UBE2E2: variants seen among roughly 807,000 people sequenced by gnomAD.
UBE2E2 encodes ubiquitin-conjugating enzyme E2 E2.
Under a neutral mutation model 24.7 loss-of-function variants are expected in UBE2E2, and 6 were observed. The ratio of observed to expected loss-of-function variants is 0.24; its 90% CI spans 0.13 to 0.48. UBE2E2 has a LOEUF of 0.48. Among genes scored for constraint, UBE2E2 ranks in the 20% least tolerant of loss-of-function variants. The pLI is 0.99. For missense variants in UBE2E2, 169 were observed against 245.0 expected (o/e 0.69, Z 2.07); for synonymous variants, 104 against 83.6 (o/e 1.24, Z -1.33).
Position 23,488,072 on chromosome 3 carries a change from A to G in UBE2E2, c.228-11536A>G, listed in dbSNP as rs377246638. The stretch of plus-strand genomic sequence containing the variant: ...AGACAACTGTATGAAGAAATTGTTT[A>G]TTATTTTCATAGCCAAGAAACAAAA... On this transcript the variant is annotated intron_variant, in intron 3 of 5. Coordinates refer to ENST00000396703, the MANE Select transcript of UBE2E2 (RefSeq NM_152653.4). 3.9e-4 allele frequency among the ~76,000 whole-genome samples: 60 copies of G among 152,226 alleles called. 1 individual carries two copies. The highest frequency in any genetic ancestry group is 1.1e-3 in the African/African-American group (45 of 41,554).
chr3:23,311,759 A>G (rs1470637724), intron 3 of UBE2E2, among the ~76,000 whole-genome samples: 1 of 152,218 alleles, frequency 6.6e-6, no homozygotes, highest in Non-Finnish European at 1.5e-5. Flanking sequence ...AATCGTGGGT[A>G]CATAGTAGGT....
chr3:23,435,138 C>T (rs2125403773), intron 3 of UBE2E2, among the ~76,000 whole-genome samples: 1 of 152,292 alleles, frequency 6.6e-6, no homozygotes. Flanking sequence ...TATGTCCCCA[C>T]CTATTGTTTC....
intron 3 of UBE2E2, among the ~76,000 whole-genome samples, chr3:23,421,594 G>C (rs910430106): frequency 1.3e-5 from 2 of 152,194 alleles, no homozygotes; most frequent in African/African-American, 4.8e-5. Context: ...TTTTAGTAGA[G>C]ATGGGGTTTC....
chr3:23,402,843 C>T (rs547665470), intron 3 of UBE2E2, among the ~76,000 whole-genome samples: 1 of 152,300 alleles, frequency 6.6e-6, no homozygotes, highest in South Asian at 2.1e-4. Context: ...TAGGAAAAGT[C>T]TATGGCTTTG....
intron 3 of UBE2E2, chr3:23,323,390 A>T: frequency 4.0e-6 from 1 of 251,908 alleles, no homozygotes; most frequent in Middle Eastern, 4.3e-4. Context: ...TTTATTCTAG[A>T]CGATTTAAGA....
intron 3 of UBE2E2, among the ~76,000 whole-genome samples, chr3:23,266,666 A>G (rs910007249): frequency 2.0e-5 from 3 of 152,112 alleles, no homozygotes; most frequent in Admixed American, 1.3e-4. Flanking sequence ...GTTAAGAAGG[A>G]TACCCAGGAA....
At chr3:23,419,179 G>A (rs1575616956) in intron 3 of UBE2E2, among the ~76,000 whole-genome samples, 1 of 152,136 alleles carries the variant, frequency 6.6e-6, no homozygotes, top group Non-Finnish European at 1.5e-5. Context: ...TGTCCAGGCT[G>A]GTCTTAAGCT....
At chr3:23,316,424 C>A (rs1417416275) in intron 3 of UBE2E2, among the ~76,000 whole-genome samples, 1 of 151,864 alleles carries the variant, frequency 6.6e-6, no homozygotes, top group East Asian at 2.0e-4. Flanking sequence ...TACTGCTAGG[C>A]TACCTCCAGT....
intron 4 of UBE2E2, among the ~76,000 whole-genome samples, chr3:23,523,673 A>G (rs1252887823): frequency 6.6e-6 from 1 of 152,148 alleles, no homozygotes. Context: ...TTAGATATAC[A>G]TATTTTTCAG....
chr3:23,436,241 C>T (rs1220195482), intron 3 of UBE2E2, among the ~76,000 whole-genome samples: 3 of 152,048 alleles, frequency 2.0e-5, no homozygotes, highest in Non-Finnish European at 4.4e-5. Flanking sequence ...TGATATTGAA[C>T]CTTAATTTTA....
intron 3 of UBE2E2, among the ~76,000 whole-genome samples, chr3:23,297,823 A>G (rs962623593): frequency 9.2e-5 from 14 of 151,994 alleles, no homozygotes; most frequent in African/African-American, 2.7e-4. Flanking sequence ...ATTCTGTGAA[A>G]AAAGTCATTG....
At chr3:23,514,372 G>A (rs1319772505) in intron 4 of UBE2E2, among the ~76,000 whole-genome samples, 11 of 152,132 alleles carry the variant, frequency 7.2e-5, no homozygotes, top group Admixed American at 7.2e-4. Context: ...TGAAGCAAAT[G>A]AATATTCATT....
intron 3 of UBE2E2, among the ~76,000 whole-genome samples, chr3:23,415,747 T>C (rs1453268105): frequency 6.6e-6 from 1 of 152,178 alleles, no homozygotes; most frequent in Non-Finnish European, 1.5e-5. Flanking sequence ...ATATTCTTCT[T>C]TTTTATTATT....
At chr3:23,490,267 T>C (rs890321835) in intron 3 of UBE2E2, among the ~76,000 whole-genome samples, 2 of 152,172 alleles carry the variant, frequency 1.3e-5, no homozygotes, top group Non-Finnish European at 2.9e-5. Context: ...AATTTGAAAA[T>C]TTTAAATCTG....
At chr3:23,480,769 G>A (rs1187080442) in intron 3 of UBE2E2, among the ~76,000 whole-genome samples, 1 of 152,206 alleles carries the variant, frequency 6.6e-6, no homozygotes, top group Non-Finnish European at 1.5e-5. Context: ...TAACTGAAGG[G>A]CATTGACAAA....
At chr3:23,487,310 A>G (rs970038263) in intron 3 of UBE2E2, among the ~76,000 whole-genome samples, 7 of 152,214 alleles carry the variant, frequency 4.6e-5, no homozygotes, top group African/African-American at 1.7e-4. Flanking sequence ...GGGGCTTTCC[A>G]GGTCCTGAGA....
At chr3:23,263,653 T>C (rs1176138814) in intron 3 of UBE2E2, among the ~76,000 whole-genome samples, 1 of 152,208 alleles carries the variant, frequency 6.6e-6, no homozygotes, top group Non-Finnish European at 1.5e-5. Context: ...GGTTTGAACA[T>C]AGCCCTGCTT....
chr3:23,539,349 G>A (rs537092639), intron 5 of UBE2E2, among the ~76,000 whole-genome samples: 141 of 152,152 alleles, frequency 9.3e-4, no homozygotes, highest in Non-Finnish European at 1.8e-3. Flanking sequence ...TTAAATATAC[G>A]TCCTTTGATA....
At position 23,532,686 on chromosome 3, in the gene UBE2E2, A is replaced by G; in HGVS notation, c.493A>G (p.Thr165Ala). Residue 165 changes from threonine (T) to alanine (A), a missense_variant, in exon 5 of 6, where the codon ACA (threonine) becomes GCA (alanine). Coordinates refer to ENST00000396703, the MANE Select transcript of UBE2E2 (RefSeq NM_152653.4). ...TCTCCTCTCCATCTGCTCACTTCTT[A>G]CAGATTGCAACCCTGGTAAGAGACT... ...KVLLSICSLL[T>A]DCNPADPLVG... 6.5e-7 allele frequency: 1 copy of G among 1,543,476 alleles called. No homozygotes were observed. The highest frequency in any genetic ancestry group is 8.8e-7 in the Non-Finnish European group (1 of 1,131,206).
Sources: allele counts gnomAD v4.1 joint callset (sites outside exome capture counted in the v4.1 genomes callset), GRCh38; gene constraint gnomAD v4.1.1; transcripts MANE v1.5; gene names NCBI Gene and HGNC (gene_info 2026-07-23, HGNC 2026-07-21).